The following RBMS3 variants were observed in gnomAD, a reference collection of about 807,000 sequenced individuals.
The protein encoded by RBMS3 is RNA-binding motif, single-stranded-interacting protein 3.
RBMS3 carries 27 observed loss-of-function variants against 66.8 expected under a neutral mutation model. The ratio of observed to expected loss-of-function variants is 0.40; its 90% CI spans 0.30 to 0.56. RBMS3 has a LOEUF of 0.56. Ranked by LOEUF, RBMS3 falls within the 20% of genes least tolerant of loss-of-function variation. The pLI, the probability that RBMS3 is intolerant of heterozygous loss-of-function variation, is 0.40. For missense variants in RBMS3, 513 were observed against 549.5 expected, an observed-to-expected ratio of 0.93 and a Z score of 0.66; for synonymous variants, 188 against 183.0, an observed-to-expected ratio of 1.03 and a Z score of -0.22.
At chr3:29,484,451 C>T (rs1036385559) in intron 2 of RBMS3, among the ~76,000 whole-genome samples, 2 of 152,166 alleles carry the variant, frequency 1.3e-5, no homozygotes, top group Non-Finnish European at 2.9e-5. Context: ...ATAAGGACAA[C>T]AATCATATTG....
At chr3:29,813,975 C>T (rs1317462168) in intron 6 of RBMS3, among the ~76,000 whole-genome samples, 3 of 151,836 alleles carry the variant, frequency 2.0e-5, no homozygotes, top group African/African-American at 7.3e-5. Context: ...CCTTTATTTC[C>T]TTCTCCTGCC....
intron 1 of RBMS3, among the ~76,000 whole-genome samples, chr3:29,341,516 A>G (rs568022365): frequency 3.2e-4 from 49 of 152,138 alleles, no homozygotes; most frequent in African/African-American, 1.1e-3. Context: ...CTACTTTTTT[A>G]TATTAAGTAA....
In RBMS3 at chr3:29,748,947, G is replaced by A. The variant is rs9856550; in HGVS notation, c.557+9070G>A. On this transcript the variant is annotated intron_variant, in intron 5 of 14. Coordinates refer to ENST00000383767, the MANE Select transcript of RBMS3 (RefSeq NM_001003793.3). ...AAGCTGAATTGGAATGGTATCACAG[G>A]GTGGCAAAAATGAGACTTCAGCCAA... Among the ~76,000 whole-genome samples the A allele has an allele frequency of 4.4e-3, 673 of 152,144 alleles. 3 individuals are homozygous for A. Among genetic ancestry groups the A allele is most frequent in the African/African-American group, 0.015 (626 of 41,496 alleles).
At chr3:29,714,747 T>TACACAC (rs34878958) in intron 4 of RBMS3, among the ~76,000 whole-genome samples, 5 of 149,334 alleles carry the variant, frequency 3.3e-5, no homozygotes, top group East Asian at 4.0e-4. Context: ...TGCACACATG[T>TACACAC]ACACACACAC....
chr3:29,440,884 C>G (rs977643080), intron 2 of RBMS3, among the ~76,000 whole-genome samples: 4 of 152,154 alleles, frequency 2.6e-5, no homozygotes, highest in African/African-American at 9.7e-5. Context: ...TAAAAGTAAC[C>G]TTGTCACAAT....
chr3:29,801,151 C>G (rs938202427), intron 6 of RBMS3, among the ~76,000 whole-genome samples: 1 of 152,038 alleles, frequency 6.6e-6, no homozygotes, highest in Non-Finnish European at 1.5e-5. Flanking sequence ...ATATCAGAAG[C>G]CAAAACTGTA....
At chr3:29,919,664 G>C (rs1399891256) in intron 10 of RBMS3, among the ~76,000 whole-genome samples, 1 of 152,132 alleles carries the variant, frequency 6.6e-6, no homozygotes, top group Non-Finnish European at 1.5e-5. Flanking sequence ...TTTAATACTT[G>C]GGATGCCTTC....
At chr3:29,809,452 G>A (rs1488542554) in intron 6 of RBMS3, among the ~76,000 whole-genome samples, 1 of 151,904 alleles carries the variant, frequency 6.6e-6, no homozygotes, top group Non-Finnish European at 1.5e-5. Flanking sequence ...GCATGCACAT[G>A]TATGTATATC....
intron 12 of RBMS3, among the ~76,000 whole-genome samples, chr3:29,963,679 T>G (rs2149742023): frequency 6.6e-6 from 1 of 151,928 alleles, no homozygotes; most frequent in Non-Finnish European, 1.5e-5. Context: ...AATACAAAAA[T>G]TAATTGGGTG....
intron 4 of RBMS3, among the ~76,000 whole-genome samples, chr3:29,685,180 T>A (rs997124108): frequency 6.6e-6 from 1 of 152,034 alleles, no homozygotes; most frequent in African/African-American, 2.4e-5. Context: ...TGCCTCAGCC[T>A]CCCGAGTAGC....
chr3:29,407,675 T>G (rs1559554868), intron 1 of RBMS3, among the ~76,000 whole-genome samples: 1 of 152,156 alleles, frequency 6.6e-6, no homozygotes, highest in African/African-American at 2.4e-5. Flanking sequence ...AACAGATGAT[T>G]GAGTTAGGCT....
At chr3:29,730,234 A>G (rs999750260) in intron 4 of RBMS3, among the ~76,000 whole-genome samples, 8 of 142,350 alleles carry the variant, frequency 5.6e-5, no homozygotes, top group African/African-American at 2.1e-4. Context: ...CAGCCTTAAT[A>G]TATATGACAC....
intron 4 of RBMS3, among the ~76,000 whole-genome samples, chr3:29,652,249 G>A (rs1330645177): frequency 6.6e-6 from 1 of 151,922 alleles, no homozygotes; most frequent in Non-Finnish European, 1.5e-5. Context: ...CAGCTGTCTG[G>A]TTTTTATACA....
intron 10 of RBMS3, among the ~76,000 whole-genome samples, chr3:29,915,155 TAA>T (rs11297315): frequency 0.016 from 2,426 of 147,722 alleles, 56 homozygotes; most frequent in African/African-American, 0.055. Flanking sequence ...AGAGTGTTCC[TAA>T]AAAAAAAAAA....
intron 4 of RBMS3, among the ~76,000 whole-genome samples, chr3:29,726,954 G>A (rs552333979): frequency 2.0e-5 from 3 of 152,072 alleles, no homozygotes; most frequent in South Asian, 2.1e-4. Flanking sequence ...CACAATACCC[G>A]ACTTTAAACT....
chr3:29,299,024 G>A (rs931326542), intron 1 of RBMS3, among the ~76,000 whole-genome samples: 3 of 151,748 alleles, frequency 2.0e-5, no homozygotes, highest in African/African-American at 7.3e-5. Context: ...AACAAAGGAG[G>A]GTAATCAAAT....
intron 7 of RBMS3, among the ~76,000 whole-genome samples, chr3:29,879,665 A>G (rs2059691389): frequency 6.6e-6 from 1 of 152,120 alleles, no homozygotes; most frequent in African/African-American, 2.4e-5. Flanking sequence ...CAAGAAAAGG[A>G]GAAATATTAG....
At chr3:29,749,411 T>C (rs1039402909) in intron 5 of RBMS3, among the ~76,000 whole-genome samples, 14 of 152,216 alleles carry the variant, frequency 9.2e-5, no homozygotes, top group Middle Eastern at 3.2e-3. Context: ...TTAGTAGTGC[T>C]CTTGGCCTGA....
chr3:29,735,848 C>G (rs973267071), intron 4 of RBMS3, among the ~76,000 whole-genome samples: 14 of 152,198 alleles, frequency 9.2e-5, no homozygotes, highest in Non-Finnish European at 4.4e-5. Flanking sequence ...GTCATAATCT[C>G]ACCACTAGCT....
Sources: allele counts gnomAD v4.1 joint callset (sites outside exome capture counted in the v4.1 genomes callset), GRCh38; gene constraint gnomAD v4.1.1; transcripts MANE v1.5; gene names NCBI Gene and HGNC (gene_info 2026-07-23, HGNC 2026-07-21).